LIN54: variants seen among roughly 807,000 people sequenced by gnomAD.
The protein encoded by LIN54 is lin-54 DREAM MuvB core complex component.
In LIN54, 9 loss-of-function variants were observed where a neutral mutation model predicts 78.7. That is an observed-to-expected ratio of 0.11 (90% CI 0.07 to 0.20). LIN54 has a LOEUF of 0.20. Ranked by LOEUF, LIN54 falls within the 10% of genes least tolerant of loss-of-function variation. The pLI is 1.00. For synonymous variants in LIN54, 269 were observed against 318.4 expected, an observed-to-expected ratio of 0.84 and a Z score of 1.65; for missense variants, 573 against 889.9, an observed-to-expected ratio of 0.64 and a Z score of 4.53.
At chr4:82,981,483 G>GA (rs1473491697) in intron 2 of LIN54, among the ~76,000 whole-genome samples, 1 of 151,876 alleles carries the variant, frequency 6.6e-6, no homozygotes, top group South Asian at 2.1e-4. Context: ...TACCTAGGGG[G>GA]AAAAAAACCA....
chr4:83,002,739 A>AT (rs1459678916), intron 1 of LIN54, among the ~76,000 whole-genome samples: 1 of 152,108 alleles, frequency 6.6e-6, no homozygotes, highest in Non-Finnish European at 1.5e-5. Context: ...TTGTAATAAC[A>AT]TTTTTTCTCT....
At chr4:82,928,378 G>A (rs766344125) in intron 12 of LIN54, 75 bp from the exon 13 acceptor site, 5 of 1,159,128 alleles carry the variant, frequency 4.3e-6, no homozygotes, top group Non-Finnish European at 6.4e-6. Context: ...TCTTTCATCT[G>A]GAAATCTCTA....
At chr4:82,935,887 C>T in intron 11 of LIN54, 94 bp downstream of exon 11, 2 of 1,251,880 alleles carry the variant, frequency 1.6e-6, no homozygotes, top group South Asian at 2.5e-5. Flanking sequence ...ATTGCAATAG[C>T]AAGGTGATTT....
intron 3 of LIN54, among the ~76,000 whole-genome samples, chr4:82,972,986 C>T (rs1000043824): frequency 6.6e-6 from 1 of 150,384 alleles, no homozygotes; most frequent in Admixed American, 6.6e-5. Context: ...TACAGAAAAT[C>T]CGCAATTCCT....
At chr4:83,011,083 G>A (rs962980241), upstream of LIN54, among the ~76,000 whole-genome samples, 1 of 152,188 alleles carries the variant, frequency 6.6e-6, no homozygotes, top group Non-Finnish European at 1.5e-5. Flanking sequence ...GCGGAGGGTG[G>A]CATAAGGACA....
chr4:83,004,769 G>T (rs1251513127), intron 1 of LIN54, among the ~76,000 whole-genome samples: 2 of 152,218 alleles, frequency 1.3e-5, no homozygotes, highest in Non-Finnish European at 2.9e-5. Context: ...AAGGTGCTGG[G>T]ATTACAGGTG....
At chr4:82,979,283 A>T (rs1726423490) in intron 2 of LIN54, among the ~76,000 whole-genome samples, 1 of 152,200 alleles carries the variant, frequency 6.6e-6, no homozygotes, top group Admixed American at 6.5e-5. Flanking sequence ...AACAAAATTA[A>T]TAATAATGCT....
rs756084494 is a variant in LIN54, at chr4:82,946,313, G to GCTA, written c.1110_1112dup (p.Ser372dup). On this transcript the variant is annotated inframe_insertion, in exon 5 of 13. Coordinates refer to ENST00000340417, the MANE Select transcript of LIN54 (RefSeq NM_194282.4). ...GATTCTGACTAACTGGCTGGGTTGA[G>GCTA]CTACTGGCTGATGTGGCAGTAACAA... is the stretch of plus-strand genomic sequence containing the variant. 5.6e-6 allele frequency: 9 copies of GCTA among 1,614,210 alleles called. No homozygotes were observed. In the Admixed American group the frequency reaches 1.3e-4, roughly 24 times the overall value.
intron 4 of LIN54, among the ~76,000 whole-genome samples, chr4:82,956,859 G>A (rs67744575): frequency 0.32 from 48,048 of 151,820 alleles, 8,622 homozygotes; most frequent in East Asian, 0.52. Context: ...TTGAGCTCAA[G>A]TGATTCTCCC....
At chr4:82,980,834 G>A (rs1350010872) in intron 2 of LIN54, among the ~76,000 whole-genome samples, 2 of 151,976 alleles carry the variant, frequency 1.3e-5, no homozygotes, top group South Asian at 4.2e-4. Context: ...TAACAATTAT[G>A]GGCTTAAAGT....
chr4:82,955,765 A>AG lies in LIN54; in HGVS notation c.952-9292_952-9291insC, dbSNP rs2126055589. Among the ~76,000 whole-genome samples, 3 of 151,494 alleles carry AG rather than the reference A, an allele frequency of 2.0e-5. 1 individual carries two copies. The South Asian group carries it at 6.3e-4, about 32-fold the overall frequency. On this transcript the variant is annotated intron_variant, in intron 4 of 12. Coordinates refer to ENST00000340417, the MANE Select transcript of LIN54 (RefSeq NM_194282.4). ...CAAGACCCCTATCTCATTACAAAAA[A>AG]AAAAAATTAAAAGACTGTGCGTAAG...
intron 1 of LIN54, among the ~76,000 whole-genome samples, chr4:82,991,632 G>A (rs887668728): frequency 6.6e-6 from 1 of 152,088 alleles, no homozygotes; most frequent in Non-Finnish European, 1.5e-5. Context: ...GGTTTCCATA[G>A]ATTTTCTTTA....
rs371801435 is a variant in LIN54 at position 83,005,084 on chromosome 4, C to T, written c.-33+5400G>A. On this transcript the variant is annotated intron_variant, in intron 1 of 12. Transcript: ENST00000340417. ...TCATGTTTGTATTTTTTAGTAGAGA[C>T]GAGGTTTTGCCATGTTGGGCAGGCT... Among the ~76,000 whole-genome samples the T allele has an allele frequency of 6.6e-5, 10 of 152,004 alleles. No individual in the cohort carries two copies. The East Asian group carries it at 1.2e-3, about 18-fold the overall frequency.
At chr4:82,943,948 A>C (rs1045901105) in intron 5 of LIN54, among the ~76,000 whole-genome samples, 12 of 148,162 alleles carry the variant, frequency 8.1e-5, no homozygotes, top group Non-Finnish European at 1.8e-4. Flanking sequence ...AGCTCACTGC[A>C]ACCTCTGCCT....
At chr4:83,001,526 A>C (rs1336977838) in intron 1 of LIN54, among the ~76,000 whole-genome samples, 3 of 151,486 alleles carry the variant, frequency 2.0e-5, no homozygotes, top group Non-Finnish European at 2.9e-5. Flanking sequence ...CTCCAGCCTG[A>C]GCAGGAGTGA....
chr4:82,998,064 G>A (rs1447810181), intron 1 of LIN54, among the ~76,000 whole-genome samples: 5 of 128,128 alleles, frequency 3.9e-5, no homozygotes, highest in African/African-American at 5.8e-5. Flanking sequence ...ATATATACAC[G>A]TATATATATA....
intron 1 of LIN54, among the ~76,000 whole-genome samples, chr4:82,995,364 T>A (rs188907645): frequency 0.019 from 2,939 of 151,538 alleles, 54 homozygotes; most frequent in African/African-American, 0.029. Context: ...AATTTTTTTT[T>A]AAAAAAGGTC....
Position 82,972,025 on chromosome 4 carries a change from T to C in LIN54, c.809-1556A>G, listed in dbSNP as rs139720294. Among the ~76,000 whole-genome samples the C allele has an allele frequency of 5.9e-5, 9 of 152,274 alleles. 1 individual carries two copies. The East Asian group carries it at 1.7e-3, about 29-fold the overall frequency. On this transcript the variant is annotated intron_variant, in intron 3 of 12. Coordinates refer to ENST00000340417, the MANE Select transcript of LIN54 (RefSeq NM_194282.4). ...AATGCTTAGCAGCTTCTGGGCCATT[T>C]TTCCTGACAACAATGCCAAAGTATG...
At position 82,978,928 on chromosome 4, in the gene LIN54, C is replaced by T; in HGVS notation, c.763G>A (p.Ala255Thr). 6.3e-7 allele frequency: 1 copy of T among 1,589,660 alleles called. No homozygotes were observed. Among genetic ancestry groups the T allele is most frequent in the Non-Finnish European group, 8.6e-7 (1 of 1,161,524 alleles). Residue 255 changes from alanine to threonine, a missense_variant, in exon 3 of 13, where the codon GCA becomes ACA. Coordinates refer to ENST00000340417, the MANE Select transcript of LIN54 (RefSeq NM_194282.4). ...LIFAKPINSK[A>T]VTGQTTQVSP... ...ACTTGAGTTGTCTGTCCTGTAACTG[C>T]TTTACTATTAATTGGTTTTGCAAAG...
Sources: gnomAD v4.1 joint callset for allele counts (sites outside exome capture counted in the v4.1 genomes callset) on GRCh38, gnomAD v4.1.1 for gene constraint, MANE v1.5 for transcripts, NCBI Gene and HGNC (gene_info 2026-07-23, HGNC 2026-07-21) for gene names.